PDE4D: variants seen among roughly 807,000 people sequenced by gnomAD.
PDE4D encodes phosphodiesterase 4D, also known as 3',5'-cyclic-AMP phosphodiesterase 4D.
A neutral mutation model predicts 87.4 loss-of-function variants in PDE4D; 24 were observed. That is an observed-to-expected ratio of 0.27 (90% CI 0.20 to 0.39). The LOEUF (loss-of-function observed/expected upper bound fraction) is 0.39, where lower values mean the gene tolerates loss of function less well. Among genes scored for constraint, PDE4D ranks in the 10% least tolerant of loss-of-function variants. PDE4D has a pLI of 1.00. For missense variants in PDE4D, 714 were observed against 1,041.0 expected (o/e 0.69, Z 4.32); for synonymous variants, 384 against 383.2 (o/e 1.00, Z -0.02).
At chr5:58,993,587 A>T (rs1255955533) in intron 6 of PDE4D, 122 bp from the exon 7 acceptor site, 3 of 594,518 alleles carry the variant, frequency 5.0e-6, no homozygotes, top group Admixed American at 7.4e-5. Flanking sequence ...GACAATTTAG[A>T]ACAGTGCCTT....
chr5:59,227,892 A>G (rs926731617), intron 1 of PDE4D, among the ~76,000 whole-genome samples: 18 of 152,186 alleles, frequency 1.2e-4, no homozygotes, highest in Admixed American at 1.3e-4. Context: ...TCAGCAATCA[A>G]ACTACAGGGT....
intron 1 of PDE4D, among the ~76,000 whole-genome samples, chr5:60,501,846 GTTGT>G (rs1412819153): frequency 2.6e-5 from 4 of 152,192 alleles, no homozygotes; most frequent in Non-Finnish European, 5.9e-5. Flanking sequence ...TTTTGATGGG[GTTGT>G]TTGTTTTTTT....
At chr5:60,183,722 A>G (rs939194294) in intron 2 of PDE4D, among the ~76,000 whole-genome samples, 5 of 152,194 alleles carry the variant, frequency 3.3e-5, no homozygotes, top group African/African-American at 1.2e-4. Flanking sequence ...AATTCTTTAA[A>G]CTTTCTTCAT....
chr5:59,694,415 TC>T (rs1238517157), intron 1 of PDE4D, among the ~76,000 whole-genome samples: 1 of 152,176 alleles, frequency 6.6e-6, no homozygotes, highest in African/African-American at 2.4e-5. Flanking sequence ...CTTAAAGGAA[TC>T]TTATTTTAAT....
intron 2 of PDE4D, among the ~76,000 whole-genome samples, chr5:60,142,968 T>A (rs182275675): frequency 6.6e-6 from 1 of 152,224 alleles, no homozygotes; most frequent in African/African-American, 2.4e-5. Flanking sequence ...TCTTTAAATA[T>A]ATTTTTAAAT....
upstream of PDE4D, among the ~76,000 whole-genome samples, chr5:59,894,261 A>G (rs557026607): frequency 9.9e-5 from 15 of 152,188 alleles, no homozygotes; most frequent in East Asian, 1.9e-4. Flanking sequence ...CAGTGCTCTT[A>G]GAGAAATGGA....
Position 60,232,597 on chromosome 5 carries a change from G to A in PDE4D, c.-89-46910C>T, listed in dbSNP as rs371353767. On this transcript the variant is annotated intron_variant, in intron 1 of 16. Coordinates refer to the PDE4D transcript ENST00000502484. ...CCACACTGCAATGAAAAAGGCTATA[G>A]ATGTTTCTCAATAACTTGTGTACTA... Among the ~76,000 whole-genome samples, 16 of 151,954 alleles carry A rather than the reference G, an allele frequency of 1.1e-4. No individual in the cohort carries two copies. The East Asian group carries it at 3.1e-3, about 30-fold the overall frequency.
intron 11 of PDE4D, among the ~76,000 whole-genome samples, chr5:58,978,431 G>C (rs908233156): frequency 1.3e-4 from 20 of 151,950 alleles, no homozygotes; most frequent in South Asian, 6.2e-4. Context: ...GAAAAGAAAA[G>C]AAAAGAAAAA....
At chr5:59,962,878 T>C (rs976410256) in intron 3 of PDE4D, among the ~76,000 whole-genome samples, 4 of 152,156 alleles carry the variant, frequency 2.6e-5, no homozygotes, top group African/African-American at 9.7e-5. Context: ...TGGGCTTGTA[T>C]TATATTAGTA....
chr5:60,234,939 G>A (rs142628709), intron 1 of PDE4D, among the ~76,000 whole-genome samples: 3 of 151,828 alleles, frequency 2.0e-5, no homozygotes, highest in Non-Finnish European at 4.4e-5. Flanking sequence ...CGAAATTGAC[G>A]TCCTGTTGCT....
At chr5:59,238,601 C>A (rs1054478555) in intron 1 of PDE4D, among the ~76,000 whole-genome samples, 3 of 152,114 alleles carry the variant, frequency 2.0e-5, no homozygotes, top group Non-Finnish European at 4.4e-5. Context: ...CTTTCCCCAG[C>A]CCTACTATTG....
intron 5 of PDE4D, among the ~76,000 whole-genome samples, chr5:59,118,503 G>A (rs573922364): frequency 6.6e-6 from 1 of 152,236 alleles, no homozygotes; most frequent in South Asian, 2.1e-4. Flanking sequence ...TATAAGGTAG[G>A]TCTGCTCTAG....
At chr5:59,886,022 A>G (rs1750098403) in intron 1 of PDE4D, among the ~76,000 whole-genome samples, 1 of 152,200 alleles carries the variant, frequency 6.6e-6, no homozygotes. Flanking sequence ...TTTCAAAGAG[A>G]TTATTAAGAA....
intron 1 of PDE4D, among the ~76,000 whole-genome samples, chr5:60,309,298 T>G (rs1754789340): frequency 6.6e-6 from 1 of 152,108 alleles, no homozygotes; most frequent in Admixed American, 6.5e-5. Context: ...TGAATTCTGT[T>G]TCCTACAACT....
intron 5 of PDE4D, among the ~76,000 whole-genome samples, chr5:59,149,706 GTTTTTTT>G (rs76421367): frequency 3.6e-4 from 25 of 69,278 alleles, no homozygotes; most frequent in African/African-American, 1.1e-3. Flanking sequence ...CTCTCCTCGA[GTTTTTTT>G]TTTTTTTTTT....
chr5:59,193,392 G>A lies in PDE4D; in HGVS notation c.684+108C>T, dbSNP rs1445950. 0.94 allele frequency: 960,192 copies of A among 1,025,690 alleles called. 454,319 individuals carry two copies. Among genetic ancestry groups the A allele is most frequent in the Non-Finnish European group, 0.98 (667,857 of 681,418 alleles). The allele number at this position is 1,025,690 out of a possible 1,614,324, so 63.5% of individuals were successfully genotyped here. A position where few individuals can be genotyped will look rare whatever the true frequency, so the allele number is the denominator to read the frequency against. ...TTGAATGAACCAAGAATTTGTATTT[G>A]TACTTGTGCTTGATTTAAAATTAAA... On this transcript the variant is annotated intron_variant, in intron 3 of 14. Coordinates refer to ENST00000340635, the MANE Select transcript of PDE4D (RefSeq NM_001104631.2).
At chr5:59,343,906 C>T (rs55946719) in intron 1 of PDE4D, among the ~76,000 whole-genome samples, 2,207 of 152,126 alleles carry the variant, frequency 0.015, 23 homozygotes, top group Non-Finnish European at 0.023. Context: ...TGCTGCCCTT[C>T]CATGCAAAAA....
At chr5:59,152,213 C>T (rs1442292033) in intron 5 of PDE4D, among the ~76,000 whole-genome samples, 1 of 151,928 alleles carries the variant, frequency 6.6e-6, no homozygotes, top group East Asian at 1.9e-4. Flanking sequence ...TCATGCATGC[C>T]CAGTCTTAGC....
chr5:60,252,860 T>C (rs1356087547), intron 1 of PDE4D, among the ~76,000 whole-genome samples: 2 of 151,752 alleles, frequency 1.3e-5, no homozygotes, highest in East Asian at 3.9e-4. Context: ...CCATGCCACA[T>C]CTCGAGGGAA....
Sources: allele counts gnomAD v4.1 joint callset (sites outside exome capture counted in the v4.1 genomes callset), GRCh38; gene constraint gnomAD v4.1.1; transcripts MANE v1.5; gene names NCBI Gene and HGNC (gene_info 2026-07-23, HGNC 2026-07-21).